ZNF385B: variants seen among roughly 807,000 people sequenced by gnomAD.
ZNF385B encodes zinc finger protein 533.
In ZNF385B, 23 loss-of-function variants were observed where a neutral mutation model predicts 39.2. The observed-to-expected ratio is 0.59, with a 90% CI of 0.42 to 0.83. The LOEUF (loss-of-function observed/expected upper bound fraction) is 0.83. Among genes scored for constraint, ZNF385B ranks in the 40% least tolerant of loss-of-function variants. ZNF385B has a pLI of 0.00. For missense variants in ZNF385B, 552 were observed against 598.9 expected, an observed-to-expected ratio of 0.92 and a Z score of 0.82; for synonymous variants, 205 against 222.6, an observed-to-expected ratio of 0.92 and a Z score of 0.70.
In ZNF385B at chr2:179,726,303, T is replaced by C. The variant is rs149611528; in HGVS notation, c.298+43200A>G. Among the ~76,000 whole-genome samples the C allele has an allele frequency of 5.6e-3, 848 of 152,196 alleles. 7 individuals carry two copies. The highest frequency in any genetic ancestry group is 9.3e-3 in the Non-Finnish European group (633 of 67,922). The stretch of plus-strand genomic sequence containing the variant: ...CCTCTTTTTATCTTCTTAATGCATG[T>C]CTTGCACCTCTCCATATCCTTTGTG... On this transcript the variant is annotated intron_variant, in intron 3 of 9. Coordinates refer to ENST00000410066, the MANE Select transcript of ZNF385B (RefSeq NM_152520.6).
At chr2:179,557,536 AC>A in intron 3 of ZNF385B, among the ~76,000 whole-genome samples, 2 of 125,378 alleles carry the variant, frequency 1.6e-5, no homozygotes, top group South Asian at 2.6e-4. Context: ...TATGTTATAT[AC>A]ATGTATATAA....
chr2:179,606,188 A>G (rs910236801), intron 3 of ZNF385B, among the ~76,000 whole-genome samples: 2 of 152,152 alleles, frequency 1.3e-5, no homozygotes, highest in African/African-American at 4.8e-5. Context: ...ACTAGCAGAA[A>G]ACATGGTTCT....
At chr2:179,856,844 T>C (rs778563717) in intron 1 of ZNF385B, among the ~76,000 whole-genome samples, 2 of 152,186 alleles carry the variant, frequency 1.3e-5, no homozygotes, top group Non-Finnish European at 2.9e-5. Context: ...TCAGAAAGCA[T>C]ATCCAAGCCC....
intron 3 of ZNF385B, among the ~76,000 whole-genome samples, chr2:179,721,926 C>G (rs533327985): frequency 3.8e-4 from 58 of 151,902 alleles, no homozygotes; most frequent in African/African-American, 1.3e-3. Context: ...GAAACAAAGA[C>G]ACTTAACATT....
intron 3 of ZNF385B, chr2:179,745,581 G>T (rs1575408980): frequency 7.1e-6 from 5 of 708,098 alleles, no homozygotes; most frequent in Non-Finnish European, 1.0e-5. Context: ...CTTCAGCTTT[G>T]CTCCTTCAGA....
chr2:179,523,623 C>T (rs2058665845), intron 4 of ZNF385B, among the ~76,000 whole-genome samples: 2 of 152,124 alleles, frequency 1.3e-5, no homozygotes, highest in Non-Finnish European at 2.9e-5. Context: ...GAATTATAAA[C>T]TTGTTCAACT....
chr2:179,707,544 T>C (rs913378870), intron 3 of ZNF385B, among the ~76,000 whole-genome samples: 1 of 152,136 alleles, frequency 6.6e-6, no homozygotes, highest in Non-Finnish European at 1.5e-5. Context: ...ATTACCAAGC[T>C]CCAATGAGCT....
At chr2:179,666,271 T>C (rs1695144384) in intron 3 of ZNF385B, among the ~76,000 whole-genome samples, 1 of 152,154 alleles carries the variant, frequency 6.6e-6, no homozygotes, top group South Asian at 2.1e-4. Flanking sequence ...ATGTATTTTA[T>C]AAGAGTTGAG....
chr2:179,644,202 T>A (rs1393640629), intron 3 of ZNF385B, among the ~76,000 whole-genome samples: 2 of 152,114 alleles, frequency 1.3e-5, no homozygotes, highest in Non-Finnish European at 2.9e-5. Context: ...CTTCAAAATA[T>A]CCTAGATATT....
intron 3 of ZNF385B, among the ~76,000 whole-genome samples, chr2:179,753,727 GCT>G (rs1369631661): frequency 6.6e-6 from 1 of 151,892 alleles, no homozygotes; most frequent in Non-Finnish European, 1.5e-5. Flanking sequence ...TCATGATTTG[GCT>G]CTCTGTCTGT....
Position 179,723,028 on chromosome 2 carries a change from T to G in ZNF385B, c.298+46475A>C, listed in dbSNP as rs140102235. ...AGATAGCATTTCACAACCACCAGAT[T>G]GTCAACAATTTTAAAAAGTCAGACA... On this transcript the variant is annotated intron_variant, in intron 3 of 9. Transcript: ENST00000410066. Among the ~76,000 whole-genome samples the G allele has an allele frequency of 8.7e-3, 1,319 of 152,250 alleles. 21 individuals are homozygous for G. Among genetic ancestry groups the G allele is most frequent in the African/African-American group, 0.03 (1,246 of 41,550 alleles).
At chr2:179,544,044 G>A (rs960233616) in intron 4 of ZNF385B, among the ~76,000 whole-genome samples, 31 of 152,066 alleles carry the variant, frequency 2.0e-4, no homozygotes, top group Non-Finnish European at 4.3e-4. Context: ...CAATCAAGCA[G>A]ACAATGTATG....
At chr2:179,593,889 C>T (rs1403543298) in intron 3 of ZNF385B, among the ~76,000 whole-genome samples, 1 of 152,130 alleles carries the variant, frequency 6.6e-6, no homozygotes, top group African/African-American at 2.4e-5. Flanking sequence ...TATAGCCATC[C>T]CCCTTCATAA....
At chr2:179,530,443 C>T (rs1206133901) in intron 4 of ZNF385B, among the ~76,000 whole-genome samples, 1 of 152,096 alleles carries the variant, frequency 6.6e-6, no homozygotes, top group Admixed American at 6.6e-5. Context: ...GTTACAAGGG[C>T]TTTCTAAGAG....
At chr2:179,528,172 G>A (rs924989778) in intron 4 of ZNF385B, among the ~76,000 whole-genome samples, 2 of 152,194 alleles carry the variant, frequency 1.3e-5, no homozygotes, top group Non-Finnish European at 2.9e-5. Flanking sequence ...TAAGAGACAC[G>A]CTCCTCAGCT....
chr2:179,479,744 CATGAGA>C (rs1421172933), intron 6 of ZNF385B, among the ~76,000 whole-genome samples: 1 of 152,074 alleles, frequency 6.6e-6, no homozygotes, highest in Non-Finnish European at 1.5e-5. Flanking sequence ...GAGGCTGAGG[CATGAGA>C]ATTGCTTGAA....
At chr2:179,576,069 C>G in intron 3 of ZNF385B, 1 of 905,426 alleles carries the variant, frequency 1.1e-6, no homozygotes, top group South Asian at 5.1e-5. Flanking sequence ...ACACTTGCCC[C>G]GTACCTCTCC....
chr2:179,660,899 T>C (rs2106276293), intron 3 of ZNF385B, among the ~76,000 whole-genome samples: 1 of 152,322 alleles, frequency 6.6e-6, no homozygotes, highest in Admixed American at 6.5e-5. Context: ...CATGCACAAA[T>C]ATTAGCATAT....
At chr2:179,728,912 A>G (rs1575362712) in intron 3 of ZNF385B, among the ~76,000 whole-genome samples, 1 of 152,126 alleles carries the variant, frequency 6.6e-6, no homozygotes, top group Non-Finnish European at 1.5e-5. Context: ...AGGTAGCACA[A>G]GTACTTTTTA....
Sources: gnomAD v4.1 joint callset for allele counts (sites outside exome capture counted in the v4.1 genomes callset) on GRCh38, gnomAD v4.1.1 for gene constraint, MANE v1.5 for transcripts, NCBI Gene and HGNC (gene_info 2026-07-23, HGNC 2026-07-21) for gene names.